The following RBPMS variants were observed in gnomAD, a reference collection of about 807,000 sequenced individuals.
RBPMS encodes RNA-binding protein with multiple splicing.
A neutral mutation model predicts 26.8 loss-of-function variants in RBPMS; 7 were observed. The ratio of observed to expected loss-of-function variants is 0.26; its 90% CI spans 0.15 to 0.49. The LOEUF (loss-of-function observed/expected upper bound fraction) is 0.49, where lower values mean the gene tolerates loss of function less well. RBPMS is among the 20% of genes least tolerant of loss of function. RBPMS has a pLI of 0.98. For synonymous variants in RBPMS, 96 were observed against 93.3 expected (o/e 1.03, Z -0.17); for missense variants, 186 against 250.0 (o/e 0.74, Z 1.73).
rs1824017434 is a variant in RBPMS, at chr8:30,529,829, C to CT, written c.398-14665_398-14664insT. Among the ~76,000 whole-genome samples the CT allele has an allele frequency of 1.7e-4, 26 of 151,672 alleles. 1 individual carries two copies. The highest frequency in any genetic ancestry group is 1.7e-3 in the Admixed American group (26 of 15,232). ...AGTGCAATGGCATGATCTCGGCTCACCGCATCCTTTGCTTTCCAGGTTCAA... is the reference window on the plus strand; with the variant it reads ...AGTGCAATGGCATGATCTCGGCTCACTCGCATCCTTTGCTTTCCAGGTTCAA... On this transcript the variant is annotated intron_variant, in intron 5 of 8. Coordinates refer to ENST00000397323, the MANE Select transcript of RBPMS (RefSeq NM_001008710.3).
chr8:30,480,852 T>G (rs541766519), intron 4 of RBPMS, among the ~76,000 whole-genome samples: 3 of 152,220 alleles, frequency 2.0e-5, no homozygotes, highest in Non-Finnish European at 4.4e-5. Context: ...GTGGGAACCT[T>G]CTAAATGCAG....
At chr8:30,456,350 G>A (rs1246886193) in intron 1 of RBPMS, among the ~76,000 whole-genome samples, 3 of 151,554 alleles carry the variant, frequency 2.0e-5, no homozygotes, top group African/African-American at 4.9e-5. Context: ...TTGTCTAAGC[G>A]CTGCTTACAC....
chr8:30,448,668 A>G (rs1421648244), intron 1 of RBPMS, among the ~76,000 whole-genome samples: 1 of 152,234 alleles, frequency 6.6e-6, no homozygotes. Context: ...CCCAGGACTC[A>G]TGTCTTGTTC....
At chr8:30,422,856 G>T in intron 1 of RBPMS, among the ~76,000 whole-genome samples, 1 of 152,164 alleles carries the variant, frequency 6.6e-6, no homozygotes, top group East Asian at 1.9e-4. Context: ...GTATTGGATG[G>T]ATGTATTTTA....
At chr8:30,531,357 T>G (rs1824207147) in intron 5 of RBPMS, among the ~76,000 whole-genome samples, 1 of 152,084 alleles carries the variant, frequency 6.6e-6, no homozygotes, top group Admixed American at 6.6e-5. Flanking sequence ...AGCCTTCTGC[T>G]GACCCTCATG....
At chr8:30,494,361 A>G (rs1452258947) in intron 4 of RBPMS, among the ~76,000 whole-genome samples, 1 of 152,210 alleles carries the variant, frequency 6.6e-6, no homozygotes, top group Non-Finnish European at 1.5e-5. Flanking sequence ...TCATATTTGG[A>G]AGAGGAGCTC....
intron 5 of RBPMS, among the ~76,000 whole-genome samples, chr8:30,525,076 A>T (rs931262895): frequency 1.3e-5 from 2 of 152,180 alleles, no homozygotes; most frequent in African/African-American, 4.8e-5. Flanking sequence ...CTCAAACTTA[A>T]GTTCTCCTAA....
intron 1 of RBPMS, among the ~76,000 whole-genome samples, chr8:30,420,017 G>T (rs777139331): frequency 6.6e-6 from 1 of 152,036 alleles, no homozygotes; most frequent in Non-Finnish European, 1.5e-5. Context: ...TTGAGCCCAG[G>T]AGCTCGAGAC....
At chr8:30,565,230 G>A (rs777751387) in intron 7 of RBPMS, 3 of 152,204 alleles carry the variant, frequency 2.0e-5, no homozygotes, top group Non-Finnish European at 4.4e-5. Flanking sequence ...TGAGGAGAGA[G>A]ATGTCCTAGG....
intron 1 of RBPMS, among the ~76,000 whole-genome samples, chr8:30,466,594 T>C (rs1816525128): frequency 6.6e-6 from 1 of 150,882 alleles, no homozygotes; most frequent in African/African-American, 2.5e-5. Flanking sequence ...CTTTCTTTTT[T>C]TTCTTTTTTT....
intron 5 of RBPMS, among the ~76,000 whole-genome samples, chr8:30,530,943 A>G (rs1441216948): frequency 6.6e-6 from 1 of 151,942 alleles, no homozygotes; most frequent in Non-Finnish European, 1.5e-5. Context: ...CATTATACCA[A>G]TCCCTCATGC....
chr8:30,516,570 A>T (rs1213814355), intron 5 of RBPMS, among the ~76,000 whole-genome samples: 2 of 152,176 alleles, frequency 1.3e-5, no homozygotes, highest in Non-Finnish European at 2.9e-5. Flanking sequence ...TCTTTCACAA[A>T]TGCCCAATTC....
chr8:30,546,156 GCCA>G (rs1825850234), intron 6 of RBPMS, among the ~76,000 whole-genome samples: 2 of 152,152 alleles, frequency 1.3e-5, no homozygotes, highest in Non-Finnish European at 2.9e-5. Flanking sequence ...CCTTTTGCTT[GCCA>G]CCTCCCACCC....
At chr8:30,430,356 G>A (rs937819154) in intron 1 of RBPMS, among the ~76,000 whole-genome samples, 10 of 152,160 alleles carry the variant, frequency 6.6e-5, no homozygotes, top group African/African-American at 2.2e-4. Flanking sequence ...CAAGTTGTAC[G>A]TCTTGGTTCT....
intron 1 of RBPMS, among the ~76,000 whole-genome samples, chr8:30,460,672 TAAAC>T (rs1273458838): frequency 6.6e-6 from 1 of 152,200 alleles, no homozygotes; most frequent in Non-Finnish European, 1.5e-5. Flanking sequence ...AAGTAGTGAT[TAAAC>T]AAATCAGGAA....
In RBPMS at chr8:30,541,807, T is replaced by C. The variant is rs572433151; in HGVS notation, c.398-2687T>C. ...TCAGTGGGGAGTCCTTGTGAAGGGC[T>C]TGTGCTGTGGAAAACCAGTCTCTCT... is the stretch of plus-strand genomic sequence containing the variant. On this transcript the variant is annotated intron_variant, in intron 5 of 8. Transcript: ENST00000397323. Among the ~76,000 whole-genome samples the C allele has an allele frequency of 3.3e-5, 5 of 152,328 alleles. No homozygotes were observed. In the South Asian group the frequency reaches 6.2e-4, roughly 19 times the overall value.
chr8:30,524,580 G>A (rs1271786325), intron 5 of RBPMS, among the ~76,000 whole-genome samples: 1 of 151,772 alleles, frequency 6.6e-6, no homozygotes, highest in Non-Finnish European at 1.5e-5. Context: ...TTCATTTTTT[G>A]AAAAATTATA....
intron 1 of RBPMS, among the ~76,000 whole-genome samples, chr8:30,452,956 T>C (rs1266520817): frequency 6.6e-6 from 1 of 152,242 alleles, no homozygotes; most frequent in African/African-American, 2.4e-5. Context: ...TGAGGGTTAC[T>C]GTTCTTAACA....
intron 5 of RBPMS, among the ~76,000 whole-genome samples, chr8:30,540,354 G>A (rs996740691): frequency 3.9e-5 from 6 of 152,144 alleles, no homozygotes; most frequent in Non-Finnish European, 5.9e-5. Flanking sequence ...GGGTCTTATA[G>A]GCCATTACAT....
Sources: gnomAD v4.1 joint callset for allele counts (sites outside exome capture counted in the v4.1 genomes callset) on GRCh38, gnomAD v4.1.1 for gene constraint, MANE v1.5 for transcripts, NCBI Gene and HGNC (gene_info 2026-07-23, HGNC 2026-07-21) for gene names.